Variants in TRPC5 observed in about 807,000 individuals in gnomAD.
TRPC5 encodes transient receptor potential cation channel subfamily C member 5, also known as short transient receptor potential channel 5.
A neutral mutation model predicts 56.5 loss-of-function variants in TRPC5; 9 were observed. That is an observed-to-expected ratio of 0.16 (90% CI 0.10 to 0.28). TRPC5 has a LOEUF of 0.28. Ranked by LOEUF, TRPC5 falls within the 10% of genes least tolerant of loss-of-function variation. The pLI, the probability that TRPC5 is intolerant of heterozygous loss-of-function variation, is 1.00. For synonymous variants in TRPC5, 282 were observed against 278.5 expected (o/e 1.01, Z -0.13); for missense variants, 469 against 748.9 (o/e 0.63, Z 4.36).
chrX:111,945,912 G>C (rs1426972788), intron 2 of TRPC5, among the ~76,000 whole-genome samples: 1 of 112,332 alleles, frequency 8.9e-6, no homozygotes, highest in African/African-American at 3.2e-5. Flanking sequence ...CCCTGAAAAT[G>C]GCTTGCCCGT....
chrX:111,963,835 A>G (rs994699228), intron 1 of TRPC5, among the ~76,000 whole-genome samples: 4 of 111,634 alleles, frequency 3.6e-5, no homozygotes, highest in African/African-American at 1.3e-4. Flanking sequence ...CGTCAACATC[A>G]TCAAAGACCA....
At chrX:111,793,523 G>C (rs1237021336) in intron 7 of TRPC5, among the ~76,000 whole-genome samples, 1 of 111,669 alleles carries the variant, frequency 9.0e-6, no homozygotes, top group African/African-American at 3.3e-5. Context: ...CCAATAGGAT[G>C]ACTATTATAA....
intron 1 of TRPC5, among the ~76,000 whole-genome samples, chrX:112,076,366 G>A (rs1282954608): frequency 1.8e-5 from 2 of 111,124 alleles, no homozygotes; most frequent in Non-Finnish European, 3.8e-5. Context: ...TGAGTACTAC[G>A]TGTATCATAT....
intron 3 of TRPC5, among the ~76,000 whole-genome samples, chrX:111,908,000 T>A (rs889033493): frequency 1.8e-5 from 2 of 111,882 alleles, no homozygotes; most frequent in Non-Finnish European, 3.8e-5. Flanking sequence ...TAAATTTATA[T>A]GCTAAAGTTA....
intron 2 of TRPC5, among the ~76,000 whole-genome samples, chrX:111,940,439 CCAA>C (rs1192994972): frequency 9.0e-6 from 1 of 111,053 alleles, no homozygotes; most frequent in East Asian, 2.8e-4. Context: ...GCCTGTAATC[CCAA>C]CACTTTGGGA....
intron 1 of TRPC5, among the ~76,000 whole-genome samples, chrX:112,030,374 G>C (rs756770903): frequency 8.9e-6 from 1 of 112,262 alleles, no homozygotes; most frequent in Non-Finnish European, 1.9e-5. Context: ...GTAAGTGAGA[G>C]ATCTGGAATT....
At chrX:112,074,831 G>A (rs1364821123) in intron 1 of TRPC5, among the ~76,000 whole-genome samples, 1 of 112,229 alleles carries the variant, frequency 8.9e-6, no homozygotes, top group Non-Finnish European at 1.9e-5. Flanking sequence ...ATTGATATTA[G>A]GGGCTCAATT....
intron 3 of TRPC5, among the ~76,000 whole-genome samples, chrX:111,872,173 G>A (rs1402476278): frequency 1.8e-5 from 2 of 112,360 alleles, no homozygotes; most frequent in East Asian, 5.6e-4. Flanking sequence ...CCCAGTCTCA[G>A]CTATTTTTTA....
chrX:111,949,638 G>A (rs1444599501), intron 2 of TRPC5, among the ~76,000 whole-genome samples: 2 of 111,493 alleles, frequency 1.8e-5, no homozygotes, highest in African/African-American at 6.5e-5. Flanking sequence ...CAAAACCACA[G>A]AGCGATACCA....
intron 1 of TRPC5, among the ~76,000 whole-genome samples, chrX:111,977,846 G>A (rs1927972709): frequency 9.0e-6 from 1 of 111,667 alleles, no homozygotes; most frequent in Non-Finnish European, 1.9e-5. Context: ...AACGCAGATG[G>A]CCAACAGGCA....
rs1927096783 is a variant in TRPC5 at position 111,951,898 on chromosome X, C to G, written c.378+145G>C. 4 of 904,304 alleles carry G rather than the reference C, an allele frequency of 4.4e-6. No individual in the cohort carries two copies. In the East Asian group the frequency reaches 9.4e-5, roughly 21 times the overall value. The allele number at this position is 904,304 out of a possible 1,213,427, so 74.5% of individuals were successfully genotyped here. The stretch of plus-strand genomic sequence containing the variant: ...TCAGCATGGGCCACGTAGGGTAGCT[C>G]CAGGATGCTACCTGAGATCACTGGT... On this transcript the variant is annotated intron_variant, in intron 2 of 10. Coordinates refer to ENST00000262839, the MANE Select transcript of TRPC5 (RefSeq NM_012471.3).
chrX:111,886,711 C>A lies in TRPC5; in HGVS notation c.900+25580G>T, dbSNP rs1168730302. Among the ~76,000 whole-genome samples the A allele has an allele frequency of 3.6e-5, 4 of 111,936 alleles. No homozygotes were observed. The Admixed American group carries it at 3.8e-4, about 11-fold the overall frequency. ...AGGCCAAAGAAAGAGATCAAGGCCT[C>A]CCTCTCTGGTACTGTGGATTCAATT... is the stretch of plus-strand genomic sequence containing the variant. On this transcript the variant is annotated intron_variant, in intron 3 of 10. Transcript: ENST00000262839.
At chrX:111,945,587 A>G (rs1450318688) in intron 2 of TRPC5, among the ~76,000 whole-genome samples, 1 of 111,701 alleles carries the variant, frequency 9.0e-6, no homozygotes, top group Non-Finnish European at 1.9e-5. Flanking sequence ...TTTTGTTCTT[A>G]TTAAAAATGA....
At chrX:112,079,610 C>T (rs1490336357) in intron 1 of TRPC5, among the ~76,000 whole-genome samples, 1 of 112,331 alleles carries the variant, frequency 8.9e-6, no homozygotes, top group Non-Finnish European at 1.9e-5. Context: ...ATATTCCTCT[C>T]ATCTTCCTCC....
chrX:111,907,191 C>T (rs920803510), intron 3 of TRPC5, among the ~76,000 whole-genome samples: 2 of 108,955 alleles, frequency 1.8e-5, no homozygotes, highest in Non-Finnish European at 3.8e-5. Flanking sequence ...TAAATGTGTT[C>T]CACTAGATCC....
chrX:111,796,914 G>A (rs190998111), intron 7 of TRPC5, among the ~76,000 whole-genome samples: 1 of 111,553 alleles, frequency 9.0e-6, no homozygotes, highest in African/African-American at 3.3e-5. Flanking sequence ...CCTCTTTTTA[G>A]CCCTAACTGG....
intron 3 of TRPC5, chrX:111,896,408 A>G (rs1925067067): frequency 9.3e-6 from 1 of 107,042 alleles, no homozygotes. Flanking sequence ...TTGTTGCAGG[A>G]GCGTTCACAT....
At chrX:111,944,496 T>C (rs187974383) in intron 2 of TRPC5, among the ~76,000 whole-genome samples, 2 of 110,636 alleles carry the variant, frequency 1.8e-5, no homozygotes, top group African/African-American at 6.6e-5. Context: ...ATAGAGAGTA[T>C]AGTGGGTTGA....
At chrX:111,819,237 A>C (rs1921958562) in intron 7 of TRPC5, among the ~76,000 whole-genome samples, 1 of 111,887 alleles carries the variant, frequency 8.9e-6, no homozygotes. Flanking sequence ...TTGACTGCCC[A>C]GGTTTCTCTT....
Sources: allele counts gnomAD v4.1 joint callset (sites outside exome capture counted in the v4.1 genomes callset), GRCh38; gene constraint gnomAD v4.1.1; transcripts MANE v1.5; gene names NCBI Gene and HGNC (gene_info 2026-07-23, HGNC 2026-07-21).